Variants in AGPAT4 observed in about 807,000 individuals in gnomAD.
AGPAT4 encodes the protein 1-acyl-sn-glycerol-3-phosphate acyltransferase delta.
In AGPAT4, 15 loss-of-function variants were observed where a neutral mutation model predicts 48.0. The ratio of observed to expected loss-of-function variants is 0.31; its 90% CI spans 0.21 to 0.48. The LOEUF (loss-of-function observed/expected upper bound fraction) is 0.48, where lower values mean the gene tolerates loss of function less well. Among genes scored for constraint, AGPAT4 ranks in the 20% least tolerant of loss-of-function variants. AGPAT4 has a pLI of 0.99. For synonymous variants in AGPAT4, 178 were observed against 198.7 expected (o/e 0.90, Z 0.88); for missense variants, 314 against 482.5 (o/e 0.65, Z 3.27).
rs554307119 is a variant in AGPAT4 at position 161,218,705 on chromosome 6, T to A, written c.178+13331A>T. ...GAAGCTATAAAGGGAGCCATAAGGA[T>A]GCTAGAAAATAACTGCTGTCCTCAA... On this transcript the variant is annotated intron_variant, in intron 2 of 8. Transcript: ENST00000320285. This position sits in a 1 kb window ranked among gnomAD's most constrained non-coding sequence, Gnocchi z 4.7. Among the ~76,000 whole-genome samples, 1 of 152,298 alleles carries A rather than the reference T, an allele frequency of 6.6e-6. No homozygotes were observed. The highest frequency in any genetic ancestry group is 2.1e-4 in the South Asian group (1 of 4,822).
At chr6:161,265,643 T>C (rs1783237398) in intron 1 of AGPAT4, among the ~76,000 whole-genome samples, 1 of 152,048 alleles carries the variant, frequency 6.6e-6, no homozygotes. Context: ...TCTTGAGATA[T>C]GTTAATCTGT....
rs530787910 is a variant in AGPAT4 at position 161,264,497 on chromosome 6, G to A, written c.-90+9441C>T. Among the ~76,000 whole-genome samples, 38 of 152,316 alleles carry A rather than the reference G, an allele frequency of 2.5e-4. No homozygotes were observed. The highest frequency in any genetic ancestry group is 4.0e-4 in the Non-Finnish European group (27 of 68,030). On this transcript the variant is annotated intron_variant, in intron 1 of 8. Transcript: ENST00000320285. The surrounding 1 kb of genome is among the most constrained non-coding windows in gnomAD (Gnocchi z 6.8). ...CTAACGTGGGGGCTGTTCTTCTCTA[G>A]GAAGTATTTTAGGAAGCCCAGACTG...
chr6:161,239,644 T>C (rs1782423873), intron 1 of AGPAT4, among the ~76,000 whole-genome samples: 1 of 152,234 alleles, frequency 6.6e-6, no homozygotes, highest in Non-Finnish European at 1.5e-5. Flanking sequence ...TCTAAACATC[T>C]TATTGAAGCT....
chr6:161,217,182 G>T lies in AGPAT4; in HGVS notation c.178+14854C>A, dbSNP rs1037236922. 6.6e-6 allele frequency among the ~76,000 whole-genome samples: 1 copy of T among 152,226 alleles called. No individual in the cohort carries two copies. Among genetic ancestry groups the T allele is most frequent in the African/African-American group, 2.4e-5 (1 of 41,472 alleles). ...GGAGTGAGCACAGGCGTGGGGACGC[G>T]AAAGGACAGGGGAACACCGGAGAAC... On this transcript the variant is annotated intron_variant, in intron 2 of 8. Coordinates refer to ENST00000320285, the MANE Select transcript of AGPAT4 (RefSeq NM_020133.3). The surrounding 1 kb of genome is among the most constrained non-coding windows in gnomAD (Gnocchi z 4.9).
At chr6:161,190,567 T>C (rs1479248588) in intron 2 of AGPAT4, among the ~76,000 whole-genome samples, 2 of 147,956 alleles carry the variant, frequency 1.4e-5, no homozygotes, top group Non-Finnish European at 3.0e-5. Context: ...ATGGGAAGCT[T>C]TACCCAGAAG....
At position 161,166,914 on chromosome 6, in the gene AGPAT4, A is replaced by G. The variant is rs552695219; in HGVS notation, c.179-497T>C. Reference sequence around the variant, plus strand: ...CGGCAGATCCAGCCGCAGGAGCCCCAGCACCTGCAGGGCAGCGGGAGTGAG... The same window carrying G: ...CGGCAGATCCAGCCGCAGGAGCCCCGGCACCTGCAGGGCAGCGGGAGTGAG... On this transcript the variant is annotated intron_variant, in intron 2 of 8. Transcript: ENST00000320285. The surrounding 1 kb of genome is among the most constrained non-coding windows in gnomAD (Gnocchi z 6.7). Among the ~76,000 whole-genome samples the G allele has an allele frequency of 6.6e-6, 1 of 152,230 alleles. No individual in the cohort carries two copies. The highest frequency in any genetic ancestry group is 1.9e-4 in the East Asian group (1 of 5,184).
At chr6:161,160,104 ATTTTTTTTTTTTTTT>A (rs5881394) in intron 3 of AGPAT4, 6 of 74,008 alleles carry the variant, frequency 8.1e-5, no homozygotes, top group Admixed American at 4.5e-4. Flanking sequence ...CACCCAGCTA[ATTTTTTTTTTTTTTT>A]TTTTTTTTTT....
chr6:161,235,262 G>A lies in AGPAT4; in HGVS notation c.-89-2960C>T, dbSNP rs1782241806. Among the ~76,000 whole-genome samples the A allele has an allele frequency of 1.3e-5, 2 of 152,180 alleles. No individual in the cohort carries two copies. The highest frequency in any genetic ancestry group is 2.9e-5 in the Non-Finnish European group (2 of 68,048). On this transcript the variant is annotated intron_variant, in intron 1 of 8. Coordinates refer to ENST00000320285, the MANE Select transcript of AGPAT4 (RefSeq NM_020133.3). The surrounding 1 kb of genome is among the most constrained non-coding windows in gnomAD (Gnocchi z 6.2). ...CAGATTCTAATCAAAATCCCAGGGA[G>A]GCTATTGCTTTTTAATTTCGTGAAA...
rs1332258291 is a variant in AGPAT4, at chr6:161,234,603, C to T, written c.-89-2301G>A. Among the ~76,000 whole-genome samples the T allele has an allele frequency of 1.3e-5, 2 of 152,158 alleles. No individual in the cohort carries two copies. The highest frequency in any genetic ancestry group is 2.9e-5 in the Non-Finnish European group (2 of 68,036). ...GGGTTTACATGGGTTTGCAGCTTGG[C>T]AGCAGTAACAGTTTGATGTTGAATA... On this transcript the variant is annotated intron_variant, in intron 1 of 8. Coordinates refer to ENST00000320285, the MANE Select transcript of AGPAT4 (RefSeq NM_020133.3). The surrounding 1 kb of genome is among the most constrained non-coding windows in gnomAD (Gnocchi z 4.4).
chr6:161,130,969 G>A lies in AGPAT4; in HGVS notation c.*5571C>T. The A allele has an allele frequency of 2.0e-6, 1 of 496,366 alleles. No individual in the cohort carries two copies. Among genetic ancestry groups the A allele is most frequent in the Non-Finnish European group, 4.1e-6 (1 of 246,022 alleles). The allele number at this position is 496,366 out of a possible 1,614,324, so 30.7% of individuals were successfully genotyped here. A position where few individuals can be genotyped will look rare whatever the true frequency, so the allele number is the denominator to read the frequency against. On this transcript the variant is annotated 3_prime_UTR_variant, in exon 9 of 9. Coordinates refer to ENST00000320285, the MANE Select transcript of AGPAT4 (RefSeq NM_020133.3). ...AAGATCTGGCTAAAACTAGTACTAT[G>A]GAATAGAAAAGGAAAAGTGACATTT...
intron 2 of AGPAT4, among the ~76,000 whole-genome samples, chr6:161,199,134 C>T (rs748065502): frequency 6.6e-6 from 1 of 151,904 alleles, no homozygotes; most frequent in Non-Finnish European, 1.5e-5. Context: ...TAATTGGCCT[C>T]AGTCTTTTCT....
At chr6:161,256,223 GTA>G (rs983224899) in intron 1 of AGPAT4, among the ~76,000 whole-genome samples, 1 of 152,146 alleles carries the variant, frequency 6.6e-6, no homozygotes, top group African/African-American at 2.4e-5. Flanking sequence ...TGGATCCTGA[GTA>G]TAGGCAATGG....
rs963805855 is a variant in AGPAT4 at position 161,272,689 on chromosome 6, G to A, written c.-90+1249C>T. 2.7e-5 allele frequency among the ~76,000 whole-genome samples: 4 copies of A among 145,702 alleles called. No homozygotes were observed. The highest frequency in any genetic ancestry group is 6.8e-5 in the Admixed American group (1 of 14,604). Reference sequence around the variant, plus strand: ...AAGATGTGCCCTGTTCTCCCTGCCCGCCTCCCATTTCCCTAAACACACACA... The same window carrying A: ...AAGATGTGCCCTGTTCTCCCTGCCCACCTCCCATTTCCCTAAACACACACA... On this transcript the variant is annotated intron_variant, in intron 1 of 8. Transcript: ENST00000320285. This position sits in a 1 kb window ranked among gnomAD's most constrained non-coding sequence, Gnocchi z 4.2.
chr6:161,209,671 TC>T (rs1304518928), intron 2 of AGPAT4, among the ~76,000 whole-genome samples: 2 of 152,206 alleles, frequency 1.3e-5, no homozygotes, highest in African/African-American at 4.8e-5. Flanking sequence ...CCTTCGATTT[TC>T]CCATGGAGAT....
Position 161,221,973 on chromosome 6 carries a change from T to G in AGPAT4, c.178+10063A>C, listed in dbSNP as rs1387125083. Reference sequence around the variant, plus strand: ...TCACAAGCACTGGGCTTTCAACATCTTGGAAGGACATAATTCAGGTGTGAC... The same window carrying G: ...TCACAAGCACTGGGCTTTCAACATCGTGGAAGGACATAATTCAGGTGTGAC... On this transcript the variant is annotated intron_variant, in intron 2 of 8. Transcript: ENST00000320285. This position sits in a 1 kb window ranked among gnomAD's most constrained non-coding sequence, Gnocchi z 4.5. Among the ~76,000 whole-genome samples the G allele has an allele frequency of 6.6e-6, 1 of 152,224 alleles. No homozygotes were observed. The highest frequency in any genetic ancestry group is 2.4e-5 in the African/African-American group (1 of 41,450).
rs1783131854 is a variant in AGPAT4 at position 161,262,495 on chromosome 6, T to C, written c.-90+11443A>G. On this transcript the variant is annotated intron_variant, in intron 1 of 8. Transcript: ENST00000320285. The surrounding 1 kb of genome is among the most constrained non-coding windows in gnomAD (Gnocchi z 4.9). ...TTCCTTTTTTTTTTCCCCCTCCTCA[T>C]TATTCTCTCATAGCAAATAAAACTT... 6.6e-6 allele frequency among the ~76,000 whole-genome samples: 1 copy of C among 152,058 alleles called. No homozygotes were observed. The highest frequency in any genetic ancestry group is 1.5e-5 in the Non-Finnish European group (1 of 67,978).
rs186098558 is a variant in AGPAT4 at position 161,255,395 on chromosome 6, C to A, written c.-90+18543G>T. 6.6e-6 allele frequency among the ~76,000 whole-genome samples: 1 copy of A among 152,196 alleles called. No homozygotes were observed. The highest frequency in any genetic ancestry group is 1.5e-5 in the Non-Finnish European group (1 of 68,048). ...AATCTACTCAGGAGAAATGAAAACACACATCCACACAAAATCTTGTACACC... is the reference window on the plus strand; with the variant it reads ...AATCTACTCAGGAGAAATGAAAACAAACATCCACACAAAATCTTGTACACC... On this transcript the variant is annotated intron_variant, in intron 1 of 8. Coordinates refer to ENST00000320285, the MANE Select transcript of AGPAT4 (RefSeq NM_020133.3). The surrounding 1 kb of genome is among the most constrained non-coding windows in gnomAD (Gnocchi z 4.7).
At position 161,147,083 on chromosome 6, in the gene AGPAT4, T is replaced by C. The variant is rs569258114; in HGVS notation, c.768-484A>G. On this transcript the variant is annotated intron_variant, in intron 6 of 8. Transcript: ENST00000320285. This position sits in a 1 kb window ranked among gnomAD's most constrained non-coding sequence, Gnocchi z 4.8. ...CCCATCAAATGATTCCTCTGGCCTC[T>C]TGGTTAGCCTTGAGGCAGACTTTCT... 2.0e-5 allele frequency among the ~76,000 whole-genome samples: 3 copies of C among 152,336 alleles called. No homozygotes were observed. The highest frequency in any genetic ancestry group is 2.1e-4 in the South Asian group (1 of 4,820).
rs532185578 is a variant in AGPAT4, at chr6:161,142,212, C to T, written c.844-2592G>A. ...TAAAACACTAAATCTCATCCCCTCC[C>T]CTCACTTATGGCCCATGACATTGCC... On this transcript the variant is annotated intron_variant, in intron 7 of 8. Transcript: ENST00000320285. This position sits in a 1 kb window ranked among gnomAD's most constrained non-coding sequence, Gnocchi z 6.4. Among the ~76,000 whole-genome samples, 1 of 152,320 alleles carries T rather than the reference C, an allele frequency of 6.6e-6. No individual in the cohort carries two copies. The highest frequency in any genetic ancestry group is 1.9e-4 in the East Asian group (1 of 5,168).
Sources: allele counts gnomAD v4.1 joint callset (sites outside exome capture counted in the v4.1 genomes callset), GRCh38; gene constraint gnomAD v4.1.1; non-coding constraint Gnocchi (gnomAD v3.1); transcripts MANE v1.5; gene names NCBI Gene and HGNC (gene_info 2026-07-23, HGNC 2026-07-21).